The following NRXN3 variants were observed in gnomAD, a reference collection of about 807,000 sequenced individuals.
NRXN3 encodes the protein neurexin 3.
In NRXN3, 32 loss-of-function variants were observed where a neutral mutation model predicts 137.6. The observed-to-expected ratio is 0.23, with a 90% CI of 0.18 to 0.31. NRXN3 has a LOEUF of 0.31. Ranked by LOEUF, NRXN3 falls within the 10% of genes least tolerant of loss-of-function variation. The pLI is 1.00. For missense variants in NRXN3, 1,574 were observed against 2,062.5 expected, an observed-to-expected ratio of 0.76 and a Z score of 4.59; for synonymous variants, 798 against 784.5, an observed-to-expected ratio of 1.02 and a Z score of -0.29.
intron 15 of NRXN3, among the ~76,000 whole-genome samples, chr14:79,319,090 C>T (rs1457832175): frequency 1.3e-5 from 2 of 152,106 alleles, no homozygotes; most frequent in Non-Finnish European, 2.9e-5. Context: ...GATATGTTTT[C>T]TTGTTTTCCA....
intron 15 of NRXN3, among the ~76,000 whole-genome samples, chr14:79,456,976 G>A (rs1374191549): frequency 1.3e-5 from 2 of 151,660 alleles, no homozygotes; most frequent in Non-Finnish European, 2.9e-5. Flanking sequence ...GGCCACGGCA[G>A]CTGTGTGTCT....
At chr14:78,785,100 A>G (rs1351622308) in intron 8 of NRXN3, among the ~76,000 whole-genome samples, 1 of 152,250 alleles carries the variant, frequency 6.6e-6, no homozygotes, top group Admixed American at 6.5e-5. Context: ...AGAGAAAAAG[A>G]TAAAATGAAC....
At chr14:79,347,667 T>C (rs1367636632) in intron 15 of NRXN3, among the ~76,000 whole-genome samples, 4 of 152,138 alleles carry the variant, frequency 2.6e-5, no homozygotes, top group Non-Finnish European at 4.4e-5. Flanking sequence ...GTGATCCACA[T>C]GCCTTGGCCT....
chr14:78,244,006 C>T (rs2067329462), intron 2 of NRXN3, among the ~76,000 whole-genome samples: 1 of 152,120 alleles, frequency 6.6e-6, no homozygotes, highest in African/African-American at 2.4e-5. Context: ...GAATCCTGAC[C>T]CCTGAACCCT....
chr14:79,126,472 A>T (rs1470957075), intron 15 of NRXN3, among the ~76,000 whole-genome samples: 3 of 151,792 alleles, frequency 2.0e-5, no homozygotes, highest in Non-Finnish European at 4.4e-5. Context: ...ATGATTTCCA[A>T]TTTCATCCAT....
intron 6 of NRXN3, among the ~76,000 whole-genome samples, chr14:78,685,999 A>G (rs1340132594): frequency 2.6e-5 from 4 of 151,884 alleles, no homozygotes; most frequent in African/African-American, 9.7e-5. Context: ...AATAAAAACA[A>G]GAATAAGCCT....
Position 79,774,395 on chromosome 14 carries a change from C to T in NRXN3, c.4015-30717C>T, listed in dbSNP as rs114059935. Among the ~76,000 whole-genome samples, 640 of 152,200 alleles carry T rather than the reference C, an allele frequency of 4.2e-3. 4 individuals carry two copies. The highest frequency in any genetic ancestry group is 0.015 in the African/African-American group (621 of 41,518). On this transcript the variant is annotated intron_variant, in intron 19 of 20. Coordinates refer to ENST00000335750, the MANE Select transcript of NRXN3 (RefSeq NM_001330195.2). Reference sequence around the variant, plus strand: ...CAGGCTTATGGCGACCTTGCTTACCCGAAAGCAAATTACTTCCCTCTCATT... The same window carrying T: ...CAGGCTTATGGCGACCTTGCTTACCTGAAAGCAAATTACTTCCCTCTCATT...
At chr14:79,664,502 G>T (rs1208772176) in intron 17 of NRXN3, among the ~76,000 whole-genome samples, 2 of 152,224 alleles carry the variant, frequency 1.3e-5, no homozygotes, top group Middle Eastern at 3.4e-3. Flanking sequence ...CCCTAAGCCT[G>T]CCTGGATATT....
intron 17 of NRXN3, among the ~76,000 whole-genome samples, chr14:79,674,482 G>C (rs2098630028): frequency 6.6e-6 from 1 of 151,952 alleles, no homozygotes; most frequent in Non-Finnish European, 1.5e-5. Flanking sequence ...GGTTCAGGGA[G>C]GTTGAGCACA....
rs1204645924 is a variant in NRXN3, at chr14:79,159,786, C to G, written c.3262+171645C>G. Among the ~76,000 whole-genome samples, 3 of 151,788 alleles carry G rather than the reference C, an allele frequency of 2.0e-5. No individual in the cohort carries two copies. The East Asian group carries it at 5.8e-4, about 30-fold the overall frequency. ...ATAGGAGCACTTTTAAAACAAATGC[C>G]TTTTCTCTTACTCCCTCAAACTAGA... On this transcript the variant is annotated intron_variant, in intron 15 of 20. Transcript: ENST00000335750.
chr14:78,750,913 GT>G (rs1343383580), intron 8 of NRXN3, among the ~76,000 whole-genome samples: 1 of 152,140 alleles, frequency 6.6e-6, no homozygotes, highest in African/African-American at 2.4e-5. Flanking sequence ...CAGGGGAACA[GT>G]TTCCCAGAAT....
At chr14:79,519,119 A>G (rs1223143598) in intron 16 of NRXN3, among the ~76,000 whole-genome samples, 2 of 152,102 alleles carry the variant, frequency 1.3e-5, no homozygotes, top group Admixed American at 1.3e-4. Context: ...ATGGAAATGA[A>G]TAGGTTTTGA....
In NRXN3 at chr14:78,768,846, C is replaced by T. The variant is rs145640988; in HGVS notation, c.2045-34774C>T. Among the ~76,000 whole-genome samples, 42 of 152,306 alleles carry T rather than the reference C, an allele frequency of 2.8e-4. 1 individual carries two copies. The East Asian group carries it at 7.7e-3, about 28-fold the overall frequency. ...CCATGCTGTCTCTGGAACTTCCACA[C>T]CATTCTCCCAGCATTTTCATCTATT... is the stretch of plus-strand genomic sequence containing the variant. On this transcript the variant is annotated intron_variant, in intron 8 of 20. Transcript: ENST00000335750.
intron 16 of NRXN3, among the ~76,000 whole-genome samples, chr14:79,473,007 G>T (rs1349671599): frequency 6.6e-6 from 1 of 152,050 alleles, no homozygotes; most frequent in Non-Finnish European, 1.5e-5. Context: ...AAATCCTCTT[G>T]GATTCATTTT....
At chr14:79,620,678 G>A (rs1364748207) in intron 16 of NRXN3, among the ~76,000 whole-genome samples, 1 of 152,124 alleles carries the variant, frequency 6.6e-6, no homozygotes, top group Non-Finnish European at 1.5e-5. Flanking sequence ...TGGCTTTGGA[G>A]GAAAGAGAAA....
intron 15 of NRXN3, among the ~76,000 whole-genome samples, chr14:79,432,712 C>A (rs1173398040): frequency 6.6e-6 from 1 of 152,044 alleles, no homozygotes; most frequent in Non-Finnish European, 1.5e-5. Context: ...AAATTCTAAA[C>A]TGTGAGCTTT....
chr14:79,787,222 C>A (rs960281289), intron 19 of NRXN3, among the ~76,000 whole-genome samples: 3 of 152,052 alleles, frequency 2.0e-5, no homozygotes, highest in Admixed American at 2.0e-4. Flanking sequence ...AGCAAATGTA[C>A]TCTTCCAGAG....
At chr14:79,744,795 T>C (rs2098974144) in intron 19 of NRXN3, among the ~76,000 whole-genome samples, 1 of 152,078 alleles carries the variant, frequency 6.6e-6, no homozygotes, top group South Asian at 2.1e-4. Context: ...TTAAGAATAA[T>C]GGATGTTGGA....
intron 16 of NRXN3, among the ~76,000 whole-genome samples, chr14:79,648,763 G>A (rs908394572): frequency 6.2e-4 from 94 of 152,080 alleles, no homozygotes; most frequent in African/African-American, 2.2e-3. Context: ...AGTTTTAGAT[G>A]TTCTGAGCAC....
Sources: allele counts gnomAD v4.1 joint callset (sites outside exome capture counted in the v4.1 genomes callset), GRCh38; gene constraint gnomAD v4.1.1; transcripts MANE v1.5; gene names NCBI Gene and HGNC (gene_info 2026-07-23, HGNC 2026-07-21).